ST3GAL3: variants seen among roughly 807,000 people sequenced by gnomAD.
The protein encoded by ST3GAL3 is ST3 beta-galactoside alpha-2,3-sialyltransferase 3, also known as CMP-N-acetylneuraminate-beta-1,4-galactoside alpha-2,3-sialyltransferase.
Under a neutral mutation model 50.1 loss-of-function variants are expected in ST3GAL3, and 21 were observed. The observed-to-expected ratio is 0.42, with a 90% confidence interval of 0.30 to 0.60. ST3GAL3 has a LOEUF of 0.60. ST3GAL3 is among the 20% of genes least tolerant of loss of function. ST3GAL3 has a pLI of 0.19. For synonymous variants in ST3GAL3, 183 were observed against 190.0 expected (o/e 0.96, Z 0.30); for missense variants, 353 against 489.4 (o/e 0.72, Z 2.63).
intron 4 of ST3GAL3, among the ~76,000 whole-genome samples, chr1:43,822,085 T>G (rs1482097411): frequency 1.3e-5 from 2 of 152,132 alleles, no homozygotes; most frequent in Non-Finnish European, 2.9e-5. Flanking sequence ...AAAGTAGAAT[T>G]CATTGAGAAG....
intron 5 of ST3GAL3, among the ~76,000 whole-genome samples, chr1:43,893,464 A>G (rs959814342): frequency 6.6e-6 from 1 of 152,232 alleles, no homozygotes; most frequent in Non-Finnish European, 1.5e-5. Flanking sequence ...GCTAGCGCCC[A>G]TGTGAAGTTG....
chr1:43,785,199 G>A (rs2057150269), intron 2 of ST3GAL3, among the ~76,000 whole-genome samples: 1 of 152,186 alleles, frequency 6.6e-6, no homozygotes, highest in Admixed American at 6.5e-5. Flanking sequence ...TGAGGTATCA[G>A]TTCTGTTAAC....
intron 5 of ST3GAL3, among the ~76,000 whole-genome samples, chr1:43,861,898 C>G (rs994879029): frequency 3.3e-5 from 5 of 152,118 alleles, no homozygotes. Context: ...CGTGTTGGCA[C>G]ATGCATGTAA....
intron 5 of ST3GAL3, chr1:43,851,300 C>A: frequency 6.4e-7 from 1 of 1,554,266 alleles, no homozygotes; most frequent in Non-Finnish European, 8.9e-7. Context: ...GGTCAGGTGA[C>A]CCCCATCTGG....
intron 3 of ST3GAL3, among the ~76,000 whole-genome samples, chr1:43,811,297 G>A (rs975357680): frequency 2.0e-5 from 3 of 152,086 alleles, no homozygotes; most frequent in Non-Finnish European, 2.9e-5. Flanking sequence ...TGACCTCTCC[G>A]TGATTGCTGT....
chr1:43,835,966 C>T (rs555058137), intron 4 of ST3GAL3, among the ~76,000 whole-genome samples: 9 of 152,338 alleles, frequency 5.9e-5, no homozygotes, highest in East Asian at 5.8e-4. Context: ...TGCCTTCCTC[C>T]GTGACCGTGT....
intron 5 of ST3GAL3, among the ~76,000 whole-genome samples, chr1:43,884,216 C>G (rs2154259075): frequency 6.6e-6 from 1 of 152,304 alleles, no homozygotes; most frequent in South Asian, 2.1e-4. Context: ...GCTTCCTGAA[C>G]AGGCTTGGAA....
At chr1:43,792,030 G>A (rs987622561) in intron 2 of ST3GAL3, 72 bp from the exon 3 acceptor site, 105 of 1,581,268 alleles carry the variant, frequency 6.6e-5, no homozygotes, top group Non-Finnish European at 8.4e-5. Flanking sequence ...GAGGGTTTGG[G>A]CAGAGCCAGT....
At chr1:43,729,580 TA>T (rs1338044208) in intron 1 of ST3GAL3, among the ~76,000 whole-genome samples, 1 of 152,226 alleles carries the variant, frequency 6.6e-6, no homozygotes, top group Non-Finnish European at 1.5e-5. Flanking sequence ...TCACATGGAC[TA>T]ATGTCCCTCT....
chr1:43,879,614 A>G, intron 5 of ST3GAL3: 1 of 353,558 alleles, frequency 2.8e-6, no homozygotes, highest in Non-Finnish European at 5.6e-6. Context: ...AATGACTCCA[A>G]GGGATGCCAT....
chr1:43,922,804 GA>G (rs59235536), intron 11 of ST3GAL3, among the ~76,000 whole-genome samples: 6,284 of 111,956 alleles, frequency 0.056, 458 homozygotes, highest in African/African-American at 0.23. Flanking sequence ...TCTCAAAAAA[GA>G]AAAAAAAAAA....
chr1:43,715,569 C>CTT (rs1298023167), intron 1 of ST3GAL3, among the ~76,000 whole-genome samples: 1 of 142,578 alleles, frequency 7.0e-6, no homozygotes, highest in African/African-American at 2.5e-5. Context: ...GAGTGAGACT[C>CTT]TGTCTAAAAA....
intron 5 of ST3GAL3, among the ~76,000 whole-genome samples, chr1:43,877,545 T>A (rs1333750232): frequency 1.3e-5 from 2 of 152,110 alleles, no homozygotes; most frequent in African/African-American, 2.4e-5. Flanking sequence ...CCTTTTTTGA[T>A]GTGTTGAGCC....
intron 9 of ST3GAL3, among the ~76,000 whole-genome samples, chr1:43,903,431 G>A (rs988302984): frequency 4.4e-4 from 67 of 152,254 alleles, no homozygotes; most frequent in African/African-American, 1.5e-3. Context: ...TTCCAACCCC[G>A]TTTGCTGCCT....
At chr1:43,743,544 A>G in intron 2 of ST3GAL3, 1 of 416,868 alleles carries the variant, frequency 2.4e-6, no homozygotes. Flanking sequence ...AGAGGGATAC[A>G]CCATTTAGTA....
chr1:43,853,114 T>A (rs372168674), intron 5 of ST3GAL3, among the ~76,000 whole-genome samples: 1 of 152,224 alleles, frequency 6.6e-6, no homozygotes, highest in Non-Finnish European at 1.5e-5. Flanking sequence ...CTTTTTGTGC[T>A]TTGGTGAAAG....
At position 43,808,040 on chromosome 1, in the gene ST3GAL3, A is replaced by G. The variant is rs979789570; in HGVS notation, c.167-6851A>G. 3.3e-5 allele frequency among the ~76,000 whole-genome samples: 5 copies of G among 152,246 alleles called. No homozygotes were observed. In the East Asian group the frequency reaches 9.6e-4, roughly 29 times the overall value. ...GGAGCTCAGCCAGGCACAGCAGCTC[A>G]CACCTGTAATCCCAGCATTTTGGGA... is the stretch of plus-strand genomic sequence containing the variant. On this transcript the variant is annotated intron_variant, in intron 3 of 11. Transcript: ENST00000347631.
chr1:43,826,964 A>C lies in ST3GAL3; in HGVS notation c.210-11255A>C, dbSNP rs185690239. Among the ~76,000 whole-genome samples, 146 of 152,318 alleles carry C rather than the reference A, an allele frequency of 9.6e-4. 2 individuals carry two copies. Among genetic ancestry groups the C allele is most frequent in the Non-Finnish European group, 2.8e-4 (19 of 68,014 alleles). ...GGGGAACTTCTTCAATTTGATCAAAAAACCTATAGCTAACATCTTGCTTAA... is the reference window on the plus strand; with the variant it reads ...GGGGAACTTCTTCAATTTGATCAAACAACCTATAGCTAACATCTTGCTTAA... On this transcript the variant is annotated intron_variant, in intron 4 of 11. Coordinates refer to ENST00000347631, the MANE Select transcript of ST3GAL3 (RefSeq NM_006279.5).
intron 3 of ST3GAL3, among the ~76,000 whole-genome samples, chr1:43,803,866 C>A (rs1355779571): frequency 6.6e-6 from 1 of 152,216 alleles, no homozygotes. Flanking sequence ...TCACTCCCCA[C>A]CTGGAGCTGG....
Sources: allele counts gnomAD v4.1 joint callset (sites outside exome capture counted in the v4.1 genomes callset), GRCh38; gene constraint gnomAD v4.1.1; transcripts MANE v1.5; gene names NCBI Gene and HGNC (gene_info 2026-07-23, HGNC 2026-07-21).